Variants in DGAT2 observed in about 807,000 individuals in gnomAD.
DGAT2 encodes the protein acyl-CoA retinol O-fatty-acyltransferase.
In DGAT2, 33 loss-of-function variants were observed where a neutral mutation model predicts 48.4. The observed-to-expected ratio is 0.68, with a 90% confidence interval of 0.52 to 0.91. DGAT2 has a LOEUF of 0.91. DGAT2 is among the 40% of genes least tolerant of loss of function. The pLI is 0.00. For synonymous variants in DGAT2, 191 were observed against 194.1 expected (o/e 0.98, Z 0.13); for missense variants, 446 against 493.7 (o/e 0.90, Z 0.92).
At chr11:75,778,561 G>C (rs541346591) in intron 1 of DGAT2, among the ~76,000 whole-genome samples, 1 of 152,176 alleles carries the variant, frequency 6.6e-6, no homozygotes, top group South Asian at 2.1e-4. Context: ...CTGGCTGGGC[G>C]TGGTGGCTCA....
chr11:75,799,039 C>T (rs1226209030), intron 7 of DGAT2, among the ~76,000 whole-genome samples: 1 of 152,092 alleles, frequency 6.6e-6, no homozygotes, highest in Non-Finnish European at 1.5e-5. Context: ...TAAAGAATTA[C>T]CTATTGTAGG....
In DGAT2 at chr11:75,768,806, A is replaced by T; in HGVS notation, c.-186A>T. 1.5e-6 allele frequency: 1 copy of T among 662,872 alleles called. No homozygotes were observed. The highest frequency in any genetic ancestry group is 2.2e-6 in the Non-Finnish European group (1 of 446,154). 41.1% of individuals were successfully genotyped at this position (662,872 alleles called of 1,614,324 possible). ...GCGGCTGCCGCCTCTGCTGGGGTCTAGGCTGTTTCTCTCGCGCCACCACTG... is the reference window on the plus strand; with the variant it reads ...GCGGCTGCCGCCTCTGCTGGGGTCTTGGCTGTTTCTCTCGCGCCACCACTG... On this transcript the variant is annotated 5_prime_UTR_variant, in exon 1 of 8. Transcript: ENST00000228027.
chr11:75,773,560 A>G (rs566749719), intron 1 of DGAT2, among the ~76,000 whole-genome samples: 1 of 152,298 alleles, frequency 6.6e-6, no homozygotes, highest in Admixed American at 6.5e-5. Flanking sequence ...TGTGACATTC[A>G]TGTTAGTCCT....
intron 3 of DGAT2, 41 bp downstream of exon 3, chr11:75,790,336 G>A: frequency 6.6e-7 from 1 of 1,509,484 alleles, no homozygotes; most frequent in East Asian, 2.3e-5. Context: ...TCATTCTAGG[G>A]ATGCTCTTCC....
intron 6 of DGAT2, among the ~76,000 whole-genome samples, chr11:75,797,693 T>C (rs1423829236): frequency 6.6e-6 from 1 of 152,158 alleles, no homozygotes; most frequent in African/African-American, 2.4e-5. Flanking sequence ...CTGTTTTCTC[T>C]GTCCCCTGGG....
At chr11:75,772,827 A>C (rs1944770962) in intron 1 of DGAT2, among the ~76,000 whole-genome samples, 1 of 152,130 alleles carries the variant, frequency 6.6e-6, no homozygotes, top group South Asian at 2.1e-4. Flanking sequence ...TGTCTCTACT[A>C]AAAATAAAAA....
chr11:75,772,825 C>G (rs1484021368), intron 1 of DGAT2, among the ~76,000 whole-genome samples: 3 of 152,054 alleles, frequency 2.0e-5, no homozygotes, highest in Non-Finnish European at 4.4e-5. Context: ...CCTGTCTCTA[C>G]TAAAAATAAA....
At chr11:75,791,318 G>A (rs373690743) in intron 4 of DGAT2, among the ~76,000 whole-genome samples, 45 of 152,310 alleles carry the variant, frequency 3.0e-4, no homozygotes, top group African/African-American at 1.1e-3. Context: ...ATCCTTCACT[G>A]CATTCGGTAT....
intron 1 of DGAT2, among the ~76,000 whole-genome samples, chr11:75,772,467 C>T (rs574204435): frequency 6.6e-5 from 10 of 152,274 alleles, no homozygotes; most frequent in African/African-American, 2.2e-4. Context: ...CTTACCTCAG[C>T]GCCTTTGCAT....
chr11:75,769,478 A>G (rs1175799347), intron 1 of DGAT2, among the ~76,000 whole-genome samples: 1 of 151,846 alleles, frequency 6.6e-6, no homozygotes, highest in Non-Finnish European at 1.5e-5. Flanking sequence ...TGAGACAGCC[A>G]CCAGACGGGG....
chr11:75,773,465 C>T (rs1944776771), intron 1 of DGAT2, among the ~76,000 whole-genome samples: 1 of 152,200 alleles, frequency 6.6e-6, no homozygotes, highest in African/African-American at 2.4e-5. Context: ...GATCTCACTC[C>T]TTCTATCTGG....
intron 1 of DGAT2, among the ~76,000 whole-genome samples, chr11:75,772,168 G>A (rs966133353): frequency 1.3e-5 from 2 of 152,154 alleles, no homozygotes; most frequent in African/African-American, 4.8e-5. Context: ...CCATGGTGCG[G>A]GTGGCAGCTC....
In DGAT2 at chr11:75,769,087, G is replaced by A. The variant is rs763290113; in HGVS notation, c.96G>A (p.Leu32=). The change falls in exon 1 of 8, where the codon CTG becomes CTA. Residue 32 remains leucine (L), a synonymous_variant. Coordinates refer to ENST00000228027, the MANE Select transcript of DGAT2 (RefSeq NM_032564.5). ...AGCGCTCTCACGGAGGACCTGCGCT[G>A]TCGCGCGAGGGGTCTGGGAGATGGG... ...RSQRSHGGPA[L]SREGSGRWGT... 7 of 1,573,004 alleles carry A rather than the reference G, an allele frequency of 4.5e-6. No homozygotes were observed. The highest frequency in any genetic ancestry group is 2.5e-5 in the East Asian group (1 of 40,686).
chr11:75,768,898 C>T lies in DGAT2; in HGVS notation c.-94C>T. On this transcript the variant is annotated 5_prime_UTR_variant, in exon 1 of 8. Transcript: ENST00000228027. ...GACGCCGTCCCGGGACCCCTGTGCT[C>T]TGCGCGAAGCCCTGGCCCCGGGGGC... 1 of 1,341,880 alleles carries T rather than the reference C, an allele frequency of 7.5e-7. No homozygotes were observed. The highest frequency in any genetic ancestry group is 9.5e-7 in the Non-Finnish European group (1 of 1,048,832). 83.1% of individuals were successfully genotyped at this position (1,341,880 alleles called of 1,614,324 possible). A position where few individuals can be genotyped will look rare whatever the true frequency, so the allele number is the denominator to read the frequency against.
intron 4 of DGAT2, chr11:75,792,589 G>GA (rs1194368564): frequency 6.6e-5 from 10 of 151,982 alleles, no homozygotes. Flanking sequence ...TGGGACTCTG[G>GA]TCTTTGCTGC....
In DGAT2 at chr11:75,800,468, AG is replaced by A; in HGVS notation, c.1128del (p.Lys376AsnfsTer12). 1 of 1,614,190 alleles carries A rather than the reference AG, an allele frequency of 6.2e-7. No individual in the cohort carries two copies. Among genetic ancestry groups the A allele is most frequent in the Non-Finnish European group, 8.5e-7 (1 of 1,180,034 alleles). ...AAGCTCTTCGACAAGCACAAGACCA[AG>A]TTCGGCCTCCCGGAGACTGAGGTCC... Reference protein sequence around the residue: ...LVKLFDKHKTKFGLPETEVLE... With the variant: ...LVKLFDKHKTXFGLPETEVLE... On this transcript the variant is annotated frameshift_variant, in exon 8 of 8. Transcript: ENST00000228027. LOFTEE classifies it high-confidence loss of function.
At position 75,797,176 on chromosome 11, in the gene DGAT2, G is replaced by T; in HGVS notation, c.653G>T (p.Arg218Leu). 1 of 1,500,460 alleles carries T rather than the reference G, an allele frequency of 6.7e-7. No individual in the cohort carries two copies. Among genetic ancestry groups the T allele is most frequent in the Non-Finnish European group, 8.9e-7 (1 of 1,118,278 alleles). 92.9% of individuals were successfully genotyped at this position (1,500,460 alleles called of 1,614,324 possible). ...LMSGGICPVS[R>L]DTIDYLLSKN... ...CCCTCAGGTATCTGCCCTGTCAGCC[G>T]GGACACCATAGACTATTTGCTTTCA... is the stretch of plus-strand genomic sequence containing the variant. Residue 218 changes from arginine to leucine, a missense_variant, in exon 6 of 8, where the codon CGG becomes CTG. Transcript: ENST00000228027.
chr11:75,784,871 C>T (rs1040518201), intron 2 of DGAT2, 125 bp downstream of exon 2: 1 of 1,322,316 alleles, frequency 7.6e-7, no homozygotes, highest in East Asian at 2.4e-5. Context: ...TGCTGCCCCA[C>T]AGCACCTTTC....
intron 4 of DGAT2, chr11:75,793,771 C>T (rs1015529301): frequency 6.6e-6 from 1 of 152,290 alleles, no homozygotes; most frequent in Non-Finnish European, 1.5e-5. Flanking sequence ...AAGTTTCCCA[C>T]CTGGTATTGG....
Sources: allele counts gnomAD v4.1 joint callset (sites outside exome capture counted in the v4.1 genomes callset), GRCh38; gene constraint gnomAD v4.1.1; transcripts MANE v1.5; gene names NCBI Gene and HGNC (gene_info 2026-07-23, HGNC 2026-07-21).